CNPPD1: variants seen among roughly 807,000 people sequenced by gnomAD.
CNPPD1 encodes protein CNPPD1.
A neutral mutation model predicts 43.7 loss-of-function variants in CNPPD1; 40 were observed. The ratio of observed to expected loss-of-function variants is 0.92; its 90% CI spans 0.71 to 1.19. The LOEUF (loss-of-function observed/expected upper bound fraction) is 1.19, where lower values mean the gene tolerates loss of function less well. CNPPD1 is among the 50% of genes most tolerant of loss of function. The pLI is 0.00. For missense variants in CNPPD1, 511 were observed against 518.5 expected (o/e 0.99, Z 0.14); for synonymous variants, 208 against 214.3 (o/e 0.97, Z 0.26).
At chr2:219,176,948 TCCTCGCCCTCGC>T (rs539599905), upstream of CNPPD1, 9 of 799,412 alleles carry the variant, frequency 1.1e-5, no homozygotes, top group Non-Finnish European at 1.7e-5. Context: ...CGGGCCGCCG[TCCTCGCCCTCGC>T]CCTCGCAGCT....
Position 219,176,209 on chromosome 2 carries a change from C to T in CNPPD1, c.178+14G>A, listed in dbSNP as rs193302062. The T allele has an allele frequency of 6.6e-4, 1,044 of 1,592,264 alleles. 7 individuals carry two copies. The African/African-American group carries it at 0.012, about 19-fold the overall frequency. On this transcript the variant is annotated intron_variant, in intron 2 of 7. Transcript: ENST00000360507. ...CATGCTTCTCACTTGTCCAGTCACA[C>T]AACACTGCCTAACCTGCCACCGGGC...
At chr2:219,175,445 C>T (rs189715416) in intron 3 of CNPPD1, 146 bp downstream of exon 3, 36 of 813,210 alleles carry the variant, frequency 4.4e-5, no homozygotes, top group East Asian at 4.3e-4. Context: ...TGCGGTGAGC[C>T]GAGATTGTGC....
In CNPPD1 at chr2:219,176,217, C is replaced by T. The variant is rs113759047; in HGVS notation, c.178+6G>A. The T allele has an allele frequency of 1.2e-6, 2 of 1,604,752 alleles. No homozygotes were observed. The highest frequency in any genetic ancestry group is 1.7e-5 in the Admixed American group (1 of 60,018). On this transcript the variant is annotated splice_donor_region_variant and intron_variant, in intron 2 of 7. Transcript: ENST00000360507. ...TCACTTGTCCAGTCACACAACACTGCCTAACCTGCCACCGGGCTGGAGAGC... is the reference window on the plus strand; with the variant it reads ...TCACTTGTCCAGTCACACAACACTGTCTAACCTGCCACCGGGCTGGAGAGC...
Position 219,172,696 on chromosome 2 carries a change from G to C in CNPPD1, c.1123C>G (p.Pro375Ala). 1 of 1,613,994 alleles carries C rather than the reference G, an allele frequency of 6.2e-7. No individual in the cohort carries two copies. Among genetic ancestry groups the C allele is most frequent in the Non-Finnish European group, 8.5e-7 (1 of 1,179,918 alleles). ...SPWYHTYGLA[P>A]PWPWSPVLLS... is the part of the protein sequence containing the mutation. ...AGCACCGGGCTCCAAGGCCAGGGGG[G>C]AGCCAGGCCATAGGTATGGTACCAG... Residue 375 changes from proline (P) to alanine (A), a missense_variant, in exon 8 of 8, where the codon CCC becomes GCC. Transcript: ENST00000360507.
In CNPPD1 at chr2:219,173,070, A is replaced by T; in HGVS notation, c.749T>A (p.Val250Glu). 1 of 1,609,088 alleles carries T rather than the reference A, an allele frequency of 6.2e-7. No homozygotes were observed. Among genetic ancestry groups the T allele is most frequent in the Non-Finnish European group, 8.5e-7 (1 of 1,179,284 alleles). Reference protein sequence around the residue: ...VSSVALAVASVAVIHQSLGLS... With the variant: ...VSSVALAVASEAVIHQSLGLS... ...CCCCAAAGACTGATGTATTACGGCCACCGATGCCACAGCCAGGGCCACACT... is the reference window on the plus strand; with the variant it reads ...CCCCAAAGACTGATGTATTACGGCCTCCGATGCCACAGCCAGGGCCACACT... Residue 250 changes from valine (V) to glutamate (E), a missense_variant, in exon 8 of 8, where the codon GTG becomes GAG. Val to Glu is a moderately radical substitution (Grantham distance 121, BLOSUM62 -2). Coordinates refer to ENST00000360507, the MANE Select transcript of CNPPD1 (RefSeq NM_015680.6).
chr2:219,172,538 G>C lies in CNPPD1; in HGVS notation c.*48C>G, dbSNP rs1344202831. 2 of 1,594,050 alleles carry C rather than the reference G, an allele frequency of 1.3e-6. No individual in the cohort carries two copies. The highest frequency in any genetic ancestry group is 3.3e-5 in the Admixed American group (2 of 59,912). ...TCTGAATCAAGCTTTGCTCCTCCAGGTTCTCAGAAACTCCCAAACCCTCTT... is the reference window on the plus strand; with the variant it reads ...TCTGAATCAAGCTTTGCTCCTCCAGCTTCTCAGAAACTCCCAAACCCTCTT... On this transcript the variant is annotated 3_prime_UTR_variant, in exon 8 of 8. Transcript: ENST00000360507.
Position 219,176,907 on chromosome 2 carries a change from C to T in CNPPD1, c.-79G>A. 1 of 1,213,338 alleles carries T rather than the reference C, an allele frequency of 8.2e-7. No individual in the cohort carries two copies. The highest frequency in any genetic ancestry group is 1.1e-6 in the Non-Finnish European group (1 of 870,066). 75.2% of individuals were successfully genotyped at this position (1,213,338 alleles called of 1,614,324 possible). A position where few individuals can be genotyped will look rare whatever the true frequency, so the allele number is the denominator to read the frequency against. On this transcript the variant is annotated 5_prime_UTR_variant, in exon 1 of 8. Transcript: ENST00000360507. The stretch of plus-strand genomic sequence containing the variant: ...GGGCTCGCGGAGCTGTCCTTGCCCG[C>T]CTGTCCACCTGCCAGCCTGCCTCCC...
chr2:219,178,113 A>C, upstream of CNPPD1: 1 of 249,498 alleles, frequency 4.0e-6, no homozygotes, highest in Non-Finnish European at 7.5e-6. Context: ...GTCAACCAGA[A>C]AACGAACCTG....
chr2:219,174,349 GT>G (rs2106386548), intron 5 of CNPPD1, 142 bp from the exon 6 acceptor site: 1 of 809,932 alleles, frequency 1.2e-6, no homozygotes, highest in Non-Finnish European at 2.1e-6. Context: ...TGTCTCAAAA[GT>G]TTTTACACAT....
In CNPPD1 at chr2:219,176,306, C is replaced by A; in HGVS notation, c.95G>T (p.Ser32Ile). ...GTAGAGCCTCCTTCGGATCCGGGCA[C>A]TCAGCTTCTGGTGTCCTGGGAGGAA... ...FTFLPGHQKLSARIRRRLYYG... is the reference protein window; with the variant it reads ...FTFLPGHQKLIARIRRRLYYG... The change falls in exon 2 of 8, where the codon AGT (serine) becomes ATT (isoleucine). Residue 32 changes from serine (S) to isoleucine (I), a missense_variant. Ser to Ile is a moderately radical substitution (Grantham distance 142). Transcript: ENST00000360507. 6.2e-7 allele frequency: 1 copy of A among 1,614,184 alleles called. No individual in the cohort carries two copies. Among genetic ancestry groups the A allele is most frequent in the South Asian group, 1.1e-5 (1 of 91,086 alleles).
chr2:219,176,957 TCGCC>T, upstream of CNPPD1: 1 of 725,742 alleles, frequency 1.4e-6, no homozygotes, highest in Non-Finnish European at 2.2e-6. Flanking sequence ...GTCCTCGCCC[TCGCC>T]CTCGCAGCTC....
At position 219,173,191 on chromosome 2, in the gene CNPPD1, A is replaced by AT; in HGVS notation, c.691-64_691-63insA. 6 of 1,500,652 alleles carry AT rather than the reference A, an allele frequency of 4.0e-6. No homozygotes were observed. In the Admixed American group the frequency reaches 8.1e-5, roughly 20 times the overall value. The allele number at this position is 1,500,652 out of a possible 1,614,324, so 93.0% of individuals were successfully genotyped here. A position where few individuals can be genotyped will look rare whatever the true frequency, so the allele number is the denominator to read the frequency against. On this transcript the variant is annotated intron_variant, in intron 7 of 7. Coordinates refer to ENST00000360507, the MANE Select transcript of CNPPD1 (RefSeq NM_015680.6). Reference sequence around the variant, plus strand: ...TAACACATTCACCCCTTGTCTCTAGAAATCTGTGTTCCAGTTGGAGGTCTC... The same window carrying AT: ...TAACACATTCACCCCTTGTCTCTAGATAATCTGTGTTCCAGTTGGAGGTCTC...
intron 1 of CNPPD1, 34 bp from the exon 2 acceptor site, chr2:219,176,365 G>T (rs1362496780): frequency 1.3e-6 from 2 of 1,487,812 alleles, no homozygotes; most frequent in Non-Finnish European, 1.9e-6. Flanking sequence ...AGGGTGAAGG[G>T]CACGGAAAGG....
chr2:219,176,350 A>AGG lies in CNPPD1; in HGVS notation c.70-20_70-19insCC. The AGG allele has an allele frequency of 6.4e-7, 1 of 1,568,412 alleles. No homozygotes were observed. The highest frequency in any genetic ancestry group is 8.8e-7 in the Non-Finnish European group (1 of 1,138,552). The stretch of plus-strand genomic sequence containing the variant: ...GGAGGAACTGAAACAGGGCAGGGGC[A>AGG]GCGGAGGGTGAAGGGCACGGAAAGG... On this transcript the variant is annotated intron_variant, in intron 1 of 7. Transcript: ENST00000360507.
In CNPPD1 at chr2:219,173,467, A is replaced by C. The variant is rs2106385513; in HGVS notation, c.573T>G (p.Cys191Trp). The C allele has an allele frequency of 6.2e-7, 1 of 1,613,306 alleles. No individual in the cohort carries two copies. The highest frequency in any genetic ancestry group is 1.3e-5 in the African/African-American group (1 of 74,974). Residue 191 changes from cysteine (C) to tryptophan (W), a missense_variant and splice_region_variant, in exon 7 of 8, where the codon TGT (cysteine) becomes TGG (tryptophan). Cys to Trp is a radical substitution (Grantham distance 215). Coordinates refer to ENST00000360507, the MANE Select transcript of CNPPD1 (RefSeq NM_015680.6). ...GCCACCGTCCCTGCTGCTCAGCCACACTGGGGGAAGTGGAGAAATGACAAG... is the reference window on the plus strand; with the variant it reads ...GCCACCGTCCCTGCTGCTCAGCCACCCTGGGGGAAGTGGAGAAATGACAAG... The part of the protein sequence containing the change: ...IFEVLSWLES[C>W]VAEQQGRWRG...
At chr2:219,178,095 G>A (rs987686111), upstream of CNPPD1, 9 of 234,246 alleles carry the variant, frequency 3.8e-5, no homozygotes, top group African/African-American at 1.4e-4. Context: ...CGGAACCCGG[G>A]GTACTTCGTC....
rs1237953451 is a variant in CNPPD1 at position 219,174,774 on chromosome 2, T to C, written c.510+4A>G. On this transcript the variant is annotated splice_donor_region_variant and intron_variant, in intron 5 of 7. Coordinates refer to ENST00000360507, the MANE Select transcript of CNPPD1 (RefSeq NM_015680.6). ...ACTGAGCAAGAGAGAGAACAGCTGC[T>C]CACCATGGCACTCAGGAAGCCCCTC... The C allele has an allele frequency of 6.3e-7, 1 of 1,587,430 alleles. No individual in the cohort carries two copies. Among genetic ancestry groups the C allele is most frequent in the South Asian group, 1.1e-5 (1 of 88,208 alleles).
At chr2:219,173,873 C>A (rs538451913) in intron 6 of CNPPD1, among the ~76,000 whole-genome samples, 1 of 152,178 alleles carries the variant, frequency 6.6e-6, no homozygotes, top group East Asian at 1.9e-4. Flanking sequence ...AACTCCTGGA[C>A]CCAAGTAATC....
Position 219,176,866 on chromosome 2 carries a change from G to A in CNPPD1, c.-38C>T. On this transcript the variant is annotated 5_prime_UTR_variant, in exon 1 of 8. Transcript: ENST00000360507. Reference sequence around the variant, plus strand: ...CGCCGCCCTGCGAAGGTGAACGGAAGGAAACGAGTTGTAGGGGGCTCGCGG... The same window carrying A: ...CGCCGCCCTGCGAAGGTGAACGGAAAGAAACGAGTTGTAGGGGGCTCGCGG... 1 of 1,535,790 alleles carries A rather than the reference G, an allele frequency of 6.5e-7. No homozygotes were observed. The highest frequency in any genetic ancestry group is 2.0e-5 in the Admixed American group (1 of 51,064).
Sources: gnomAD v4.1 joint callset for allele counts (sites outside exome capture counted in the v4.1 genomes callset) on GRCh38, gnomAD v4.1.1 for gene constraint, MANE v1.5 for transcripts, NCBI Gene and HGNC (gene_info 2026-07-23, HGNC 2026-07-21) for gene names.